The following KCNT2 variants were observed in gnomAD, a reference collection of about 807,000 sequenced individuals.
KCNT2 encodes the protein potassium sodium-activated channel subfamily T member 2, also known as potassium channel subfamily T member 2.
Under a neutral mutation model 153.8 loss-of-function variants are expected in KCNT2, and 67 were observed. That is an observed-to-expected ratio of 0.44 (90% CI 0.36 to 0.53). The LOEUF (loss-of-function observed/expected upper bound fraction) is 0.53. KCNT2 is among the 20% of genes least tolerant of loss of function. The probability of loss-of-function intolerance (pLI) is 0.00; values close to 1 mark genes in which losing one functional copy is unlikely to be tolerated. For synonymous variants in KCNT2, 500 were observed against 458.8 expected, an observed-to-expected ratio of 1.09 and a Z score of -1.15; for missense variants, 975 against 1,354.8, an observed-to-expected ratio of 0.72 and a Z score of 4.40.
intron 8 of KCNT2, among the ~76,000 whole-genome samples, chr1:196,463,779 A>C (rs773831646): frequency 2.0e-5 from 3 of 151,840 alleles, no homozygotes; most frequent in Non-Finnish European, 2.9e-5. Context: ...AAATTTGTCT[A>C]GGTGCCACCT....
chr1:196,421,971 T>C (rs1472130893), intron 12 of KCNT2, among the ~76,000 whole-genome samples: 1 of 152,040 alleles, frequency 6.6e-6, no homozygotes, highest in Admixed American at 6.6e-5. Context: ...GATTAGCGCC[T>C]ACCCTAATGG....
intron 5 of KCNT2, among the ~76,000 whole-genome samples, chr1:196,478,753 A>G (rs1678756128): frequency 2.0e-5 from 3 of 152,204 alleles, no homozygotes; most frequent in Non-Finnish European, 4.4e-5. Context: ...AGAGCTCTCC[A>G]TTAAATAGGA....
intron 13 of KCNT2, among the ~76,000 whole-genome samples, chr1:196,374,099 A>G (rs746748111): frequency 7.9e-5 from 12 of 152,012 alleles, no homozygotes; most frequent in Admixed American, 3.9e-4. Context: ...TTTATTTTGG[A>G]AAAAACAAAA....
intron 1 of KCNT2, among the ~76,000 whole-genome samples, chr1:196,563,230 G>T (rs1659652377): frequency 6.6e-6 from 1 of 151,706 alleles, no homozygotes; most frequent in South Asian, 2.1e-4. Flanking sequence ...TTCTCTTTTA[G>T]GGGTTAGAAT....
intron 1 of KCNT2, among the ~76,000 whole-genome samples, chr1:196,556,118 C>T (rs1658622569): frequency 6.6e-6 from 1 of 151,250 alleles, no homozygotes; most frequent in Non-Finnish European, 1.5e-5. Flanking sequence ...TAATAACCCA[C>T]AAGCACAGGC....
At chr1:196,301,766 GTCTC>G (rs1002378144) in intron 22 of KCNT2, among the ~76,000 whole-genome samples, 1 of 152,068 alleles carries the variant, frequency 6.6e-6, no homozygotes, top group Non-Finnish European at 1.5e-5. Context: ...TAGAGACATA[GTCTC>G]TCTCTGTCGC....
chr1:196,537,721 A>G (rs1202996379), intron 1 of KCNT2, among the ~76,000 whole-genome samples: 4 of 152,174 alleles, frequency 2.6e-5, no homozygotes, highest in Non-Finnish European at 5.9e-5. Flanking sequence ...GCTGCTCCGG[A>G]GACAACTGTC....
intron 20 of KCNT2, among the ~76,000 whole-genome samples, chr1:196,318,454 G>A (rs1662951784): frequency 1.3e-5 from 2 of 151,662 alleles, no homozygotes; most frequent in African/African-American, 2.4e-5. Flanking sequence ...TACAGAGGAA[G>A]AATCCACTTC....
intron 26 of KCNT2, among the ~76,000 whole-genome samples, chr1:196,256,441 G>GA (rs1019981846): frequency 3.3e-5 from 5 of 151,774 alleles, no homozygotes; most frequent in African/African-American, 9.7e-5. Context: ...AAGGTAATCT[G>GA]AAAAAACTTA....
chr1:196,306,171 C>T (rs1249172536), intron 21 of KCNT2, among the ~76,000 whole-genome samples: 1 of 152,050 alleles, frequency 6.6e-6, no homozygotes, highest in Non-Finnish European at 1.5e-5. Context: ...TCTGTGGCAG[C>T]CACTTCTGTG....
intron 13 of KCNT2, among the ~76,000 whole-genome samples, chr1:196,393,130 A>T (rs1670626502): frequency 2.0e-5 from 3 of 151,428 alleles, no homozygotes; most frequent in Admixed American, 1.3e-4. Context: ...CTCTGGACTA[A>T]AAAAGAAGCA....
chr1:196,257,999 A>G, intron 26 of KCNT2, 195 bp downstream of exon 26: 1 of 1,398,930 alleles, frequency 7.1e-7, no homozygotes, highest in Non-Finnish European at 9.3e-7. Flanking sequence ...AGACTCAGCA[A>G]ACGCTGAAAA....
intron 25 of KCNT2, among the ~76,000 whole-genome samples, chr1:196,275,520 C>T (rs1189739075): frequency 6.6e-6 from 1 of 151,842 alleles, no homozygotes; most frequent in South Asian, 2.1e-4. Flanking sequence ...ATGTTCTTTA[C>T]CAACGTTTGT....
At chr1:196,240,718 C>G (rs1288407107) in intron 26 of KCNT2, among the ~76,000 whole-genome samples, 1 of 151,960 alleles carries the variant, frequency 6.6e-6, no homozygotes, top group Non-Finnish European at 1.5e-5. Flanking sequence ...GTTGAACAGG[C>G]AAGCTGGGAC....
chr1:196,532,352 C>T (rs1655060537), intron 1 of KCNT2, among the ~76,000 whole-genome samples: 1 of 151,894 alleles, frequency 6.6e-6, no homozygotes, highest in Admixed American at 6.6e-5. Context: ...TTTTGAGTTT[C>T]CAGAACTAAC....
chr1:196,381,825 C>T (rs1283381020), intron 13 of KCNT2, among the ~76,000 whole-genome samples: 4 of 152,192 alleles, frequency 2.6e-5, no homozygotes, highest in Middle Eastern at 3.4e-3. Flanking sequence ...TTTGAGAGAA[C>T]GTAGGCAAAT....
At chr1:196,412,003 C>A (rs1382434687) in intron 12 of KCNT2, among the ~76,000 whole-genome samples, 1 of 151,668 alleles carries the variant, frequency 6.6e-6, no homozygotes, top group Admixed American at 6.6e-5. Context: ...GCATGTTGAA[C>A]CATTTTTGCA....
Position 196,520,182 on chromosome 1 carries a change from A to AT in KCNT2, c.96-27842dup, listed in dbSNP as rs574402012. On this transcript the variant is annotated intron_variant, in intron 1 of 27. Transcript: ENST00000294725. ...TAAATCAATAAATGTCATACATCACATAAACAGAACTAAAGATAAAAACCA... is the reference window on the plus strand; with the variant it reads ...TAAATCAATAAATGTCATACATCACATTAAACAGAACTAAAGATAAAAACCA... Among the ~76,000 whole-genome samples the AT allele has an allele frequency of 2.6e-4, 39 of 152,290 alleles. No homozygotes were observed. In the South Asian group the frequency reaches 8.1e-3, roughly 32 times the overall value.
At chr1:196,597,920 C>T (rs1264464210) in intron 1 of KCNT2, among the ~76,000 whole-genome samples, 1 of 152,136 alleles carries the variant, frequency 6.6e-6, no homozygotes, top group African/African-American at 2.4e-5. Flanking sequence ...AATTTCATAA[C>T]ATCCCTGCAT....
Sources: gnomAD v4.1 joint callset for allele counts (sites outside exome capture counted in the v4.1 genomes callset) on GRCh38, gnomAD v4.1.1 for gene constraint, MANE v1.5 for transcripts, NCBI Gene and HGNC (gene_info 2026-07-23, HGNC 2026-07-21) for gene names.